The following HDAC1 variants were observed in gnomAD, a reference collection of about 807,000 sequenced individuals.
HDAC1 encodes histone deacetylase 1.
HDAC1 carries 18 observed loss-of-function variants against 65.5 expected under a neutral mutation model. The observed-to-expected ratio is 0.27, with a 90% CI of 0.19 to 0.41. HDAC1 has a LOEUF of 0.41. HDAC1 is among the 10% of genes least tolerant of loss of function. The probability of loss-of-function intolerance (pLI) is 1.00; values close to 1 mark genes in which losing one functional copy is unlikely to be tolerated. For missense variants in HDAC1, 373 were observed against 625.2 expected (o/e 0.60, Z 4.30); for synonymous variants, 211 against 227.9 (o/e 0.93, Z 0.67).
chr1:32,292,807 G>A (rs923073307), intron 1 of HDAC1, among the ~76,000 whole-genome samples: 8 of 152,108 alleles, frequency 5.3e-5, no homozygotes, highest in African/African-American at 1.4e-4. Flanking sequence ...GGGGCCGTGG[G>A]GTTGATCGGG....
At chr1:32,322,018 CCCTCCAAGTTTAGTGCAGAACCAGAG>C (rs1436932088) in intron 3 of HDAC1, among the ~76,000 whole-genome samples, 2 of 152,158 alleles carry the variant, frequency 1.3e-5, no homozygotes, top group Admixed American at 1.3e-4. Flanking sequence ...GATCTTGGCA[CCCTCCAAGTTTAGTGCAGAACCAGAG>C]CTGGTAACTC....
At chr1:32,322,857 A>G (rs777695494) in intron 3 of HDAC1, among the ~76,000 whole-genome samples, 1 of 152,110 alleles carries the variant, frequency 6.6e-6, no homozygotes, top group African/African-American at 2.4e-5. Flanking sequence ...CCTTGGGCAA[A>G]TCACTTAACT....
At chr1:32,332,929 C>G in intron 13 of HDAC1, 88 bp from the exon 14 acceptor site, 10 of 1,394,180 alleles carry the variant, frequency 7.2e-6, no homozygotes, top group Non-Finnish European at 1.0e-5. Flanking sequence ...CCAGTAGTCA[C>G]CTAGGATCCT....
chr1:32,303,861 CA>C (rs1028027817), intron 2 of HDAC1, among the ~76,000 whole-genome samples: 2 of 150,638 alleles, frequency 1.3e-5, no homozygotes, highest in South Asian at 2.1e-4. Context: ...GATTTTGTCT[CA>C]AAAAAAAAGT....
At chr1:32,298,807 G>A (rs1455897354) in intron 1 of HDAC1, among the ~76,000 whole-genome samples, 3 of 151,978 alleles carry the variant, frequency 2.0e-5, no homozygotes. Context: ...AGACAAGCCT[G>A]GGCAACATGG....
At chr1:32,332,829 C>T in intron 13 of HDAC1, 80 bp downstream of exon 13, 1 of 1,326,158 alleles carries the variant, frequency 7.5e-7, no homozygotes, top group African/African-American at 1.5e-5. Context: ...AGGAAAGGCA[C>T]AGGGACAGCT....
intron 1 of HDAC1, among the ~76,000 whole-genome samples, chr1:32,300,832 G>T (rs890346929): frequency 1.3e-5 from 2 of 152,200 alleles, no homozygotes; most frequent in Non-Finnish European, 2.9e-5. Context: ...TATAGGGCCA[G>T]ATAGTAAATA....
Position 32,329,524 on chromosome 1 carries a change from C to T in HDAC1, c.729+364C>T. 6.2e-6 allele frequency: 2 copies of T among 324,396 alleles called. No homozygotes were observed. The highest frequency in any genetic ancestry group is 1.2e-5 in the Non-Finnish European group (2 of 171,150). The allele number at this position is 324,396 out of a possible 1,614,324, so 20.1% of individuals were successfully genotyped here. On this transcript the variant is annotated intron_variant, in intron 7 of 13. Coordinates refer to ENST00000373548, the MANE Select transcript of HDAC1 (RefSeq NM_004964.3). This position sits in a 1 kb window ranked among gnomAD's most constrained non-coding sequence, Gnocchi z 4.1. ...GTGTTCTTTTGGTAGTGGTATGTCT[C>T]CTTGGTTTTTTGTGTTCCTCATTGC... is the stretch of plus-strand genomic sequence containing the variant.
At position 32,314,670 on chromosome 1, in the gene HDAC1, C is replaced by T. The variant is rs554703016; in HGVS notation, c.163-1995C>T. Among the ~76,000 whole-genome samples the T allele has an allele frequency of 2.4e-4, 37 of 151,776 alleles. No homozygotes were observed. The South Asian group carries it at 5.8e-3, about 24-fold the overall frequency. ...TGAAACCCCATCTCTACTAAATGTA[C>T]AAAAAATTAGCCAGGTGTGATGGCG... On this transcript the variant is annotated intron_variant, in intron 2 of 13. Transcript: ENST00000373548.
At chr1:32,300,295 T>C (rs1194084568) in intron 1 of HDAC1, among the ~76,000 whole-genome samples, 1 of 151,664 alleles carries the variant, frequency 6.6e-6, no homozygotes, top group African/African-American at 2.4e-5. Context: ...AATTCAGATA[T>C]AAAACAATCC....
chr1:32,307,036 A>G (rs1392506857), intron 2 of HDAC1, among the ~76,000 whole-genome samples: 2 of 152,158 alleles, frequency 1.3e-5, no homozygotes, highest in African/African-American at 4.8e-5. Context: ...ATCTGAGGTC[A>G]GGAGTTCGAG....
In HDAC1 at chr1:32,313,310, G is replaced by A. The variant is rs142877756; in HGVS notation, c.163-3355G>A. On this transcript the variant is annotated intron_variant, in intron 2 of 13. Coordinates refer to ENST00000373548, the MANE Select transcript of HDAC1 (RefSeq NM_004964.3). ...GGGTTTCGCTGTGTTGGCCAGGGTG[G>A]TCTTGAACTCCTGGCCTCAGGTGAG... is the stretch of plus-strand genomic sequence containing the variant. Among the ~76,000 whole-genome samples the A allele has an allele frequency of 6.5e-3, 990 of 151,790 alleles. 6 individuals carry two copies. Among genetic ancestry groups the A allele is most frequent in the African/African-American group, 0.023 (939 of 41,384 alleles).
intron 3 of HDAC1, 136 bp downstream of exon 3, chr1:32,316,918 G>A (rs530792959): frequency 1.5e-6 from 1 of 676,132 alleles, no homozygotes; most frequent in South Asian, 1.8e-5. Flanking sequence ...AGGTGCCAGA[G>A]TGCTTTTTCC....
chr1:32,295,882 C>T (rs1304304792), intron 1 of HDAC1, among the ~76,000 whole-genome samples: 1 of 152,136 alleles, frequency 6.6e-6, no homozygotes, highest in Non-Finnish European at 1.5e-5. Flanking sequence ...CATGACCCAC[C>T]ATTCCTGGCT....
At chr1:32,297,948 C>G (rs1468717158) in intron 1 of HDAC1, among the ~76,000 whole-genome samples, 7 of 151,314 alleles carry the variant, frequency 4.6e-5, no homozygotes, top group Non-Finnish European at 8.8e-5. Context: ...TACCACCACA[C>G]CTGGCCAATT....
intron 1 of HDAC1, 60 bp from the exon 2 acceptor site, chr1:32,302,561 G>C: frequency 1.2e-6 from 1 of 816,662 alleles, no homozygotes; most frequent in East Asian, 2.5e-5. Flanking sequence ...AAAATTCCTG[G>C]GTTCTCCTGG....
At chr1:32,293,756 C>G (rs937706893) in intron 1 of HDAC1, among the ~76,000 whole-genome samples, 35 of 151,884 alleles carry the variant, frequency 2.3e-4, no homozygotes, top group African/African-American at 7.7e-4. Context: ...ACAAAAATTA[C>G]CCGGGTGTGG....
chr1:32,317,302 G>T (rs1234193525), intron 3 of HDAC1, among the ~76,000 whole-genome samples: 1 of 152,180 alleles, frequency 6.6e-6, no homozygotes, highest in African/African-American at 2.4e-5. Context: ...GAACTTCAGA[G>T]CAGGTCCCAT....
intron 1 of HDAC1, among the ~76,000 whole-genome samples, chr1:32,296,490 A>G (rs143298106): frequency 3.9e-5 from 6 of 152,264 alleles, no homozygotes; most frequent in African/African-American, 1.4e-4. Context: ...TCAGCCTTCC[A>G]AGTAGCTGGA....
Sources: allele counts gnomAD v4.1 joint callset (sites outside exome capture counted in the v4.1 genomes callset), GRCh38; gene constraint gnomAD v4.1.1; non-coding constraint Gnocchi (gnomAD v3.1); transcripts MANE v1.5; gene names NCBI Gene and HGNC (gene_info 2026-07-23, HGNC 2026-07-21).